IL1RAPL1: variants seen among roughly 807,000 people sequenced by gnomAD.
IL1RAPL1 encodes interleukin 1 receptor accessory protein like 1.
Under a neutral mutation model 48.4 loss-of-function variants are expected in IL1RAPL1, and 3 were observed. The observed-to-expected ratio is 0.06, with a 90% CI of 0.03 to 0.16. The LOEUF (loss-of-function observed/expected upper bound fraction) is 0.16. Ranked by LOEUF, IL1RAPL1 falls within the 10% of genes least tolerant of loss-of-function variation. The pLI, the probability that IL1RAPL1 is intolerant of heterozygous loss-of-function variation, is 1.00. For synonymous variants in IL1RAPL1, 185 were observed against 187.7 expected, an observed-to-expected ratio of 0.99 and a Z score of 0.12; for missense variants, 349 against 530.6, an observed-to-expected ratio of 0.66 and a Z score of 3.36.
At chrX:28,844,037 C>T (rs1424365968) in intron 2 of IL1RAPL1, among the ~76,000 whole-genome samples, 1 of 109,490 alleles carries the variant, frequency 9.1e-6, no homozygotes, top group Admixed American at 9.8e-5. Context: ...GAGCTCATCT[C>T]CTAACACTTC....
chrX:29,161,053 C>T (rs1929674073), intron 2 of IL1RAPL1, among the ~76,000 whole-genome samples: 1 of 105,946 alleles, frequency 9.4e-6, no homozygotes, highest in African/African-American at 3.5e-5. Context: ...AAGCGAGACT[C>T]TGTCTCAAAA....
At chrX:29,279,798 A>G (rs1451666554) in intron 2 of IL1RAPL1, among the ~76,000 whole-genome samples, 1 of 112,298 alleles carries the variant, frequency 8.9e-6, no homozygotes, top group Non-Finnish European at 1.9e-5. Context: ...CTCAGAAAGC[A>G]TATTCTGAAA....
intron 2 of IL1RAPL1, among the ~76,000 whole-genome samples, chrX:28,791,365 T>C (rs1569173588): frequency 8.9e-6 from 1 of 111,985 alleles, no homozygotes; most frequent in Non-Finnish European, 1.9e-5. Context: ...TATTAAGTGA[T>C]TTTAATGTAA....
intron 2 of IL1RAPL1, among the ~76,000 whole-genome samples, chrX:28,917,627 C>T (rs952391632): frequency 8.9e-5 from 10 of 111,925 alleles, no homozygotes; most frequent in Non-Finnish European, 1.5e-4. Context: ...TGAGGCAATA[C>T]CTGTTCTTCC....
rs1933428286 is a variant in IL1RAPL1, at chrX:29,956,672, T to A, written c.*852T>A. On this transcript the variant is annotated 3_prime_UTR_variant, in exon 11 of 11. Coordinates refer to ENST00000378993, the MANE Select transcript of IL1RAPL1 (RefSeq NM_014271.4). ...GTACCCTTATATATATATACATATATATATAAATATAAATATATATAAAAA... is the reference window on the plus strand; with the variant it reads ...GTACCCTTATATATATATACATATAAATATAAATATAAATATATATAAAAA... The A allele has an allele frequency of 3.3e-5, 3 of 90,200 alleles. No individual in the cohort carries two copies. The highest frequency in any genetic ancestry group is 2.8e-4 in the Admixed American group (2 of 7,131). 7.4% of individuals were successfully genotyped at this position (90,200 alleles called of 1,213,427 possible).
chrX:29,176,618 C>T (rs187673232), intron 2 of IL1RAPL1, among the ~76,000 whole-genome samples: 1 of 110,842 alleles, frequency 9.0e-6, no homozygotes, highest in Non-Finnish European at 1.9e-5. Flanking sequence ...TTGTTTCATT[C>T]GATTTTTTTC....
intron 5 of IL1RAPL1, among the ~76,000 whole-genome samples, chrX:29,517,993 T>C (rs1935464879): frequency 8.9e-6 from 1 of 111,907 alleles, no homozygotes; most frequent in Non-Finnish European, 1.9e-5. Context: ...GGAACCGTCA[T>C]TGGTTAAACG....
intron 6 of IL1RAPL1, among the ~76,000 whole-genome samples, chrX:29,672,564 C>T (rs1396602532): frequency 1.8e-5 from 2 of 111,152 alleles, no homozygotes; most frequent in Non-Finnish European, 3.8e-5. Context: ...CAAACCTAAT[C>T]GAATGTCTAT....
At chrX:29,127,753 T>A (rs2147481507) in intron 2 of IL1RAPL1, among the ~76,000 whole-genome samples, 1 of 110,305 alleles carries the variant, frequency 9.1e-6, no homozygotes, top group Non-Finnish European at 1.9e-5. Context: ...AGGTCAGGAG[T>A]TCAAGACCAG....
At chrX:29,714,876 G>T (rs1348924948) in intron 6 of IL1RAPL1, among the ~76,000 whole-genome samples, 1 of 111,481 alleles carries the variant, frequency 9.0e-6, no homozygotes, top group Non-Finnish European at 1.9e-5. Flanking sequence ...GCTCTGCTTT[G>T]ATTCTCAGCC....
intron 5 of IL1RAPL1, among the ~76,000 whole-genome samples, chrX:29,423,814 A>C (rs1422723398): frequency 9.0e-6 from 1 of 111,714 alleles, no homozygotes; most frequent in Middle Eastern, 4.2e-3. Flanking sequence ...CATAGATGAC[A>C]TACTAGTTTA....
At chrX:29,005,508 T>A (rs138968501) in intron 2 of IL1RAPL1, among the ~76,000 whole-genome samples, 1 of 111,647 alleles carries the variant, frequency 9.0e-6, no homozygotes, top group East Asian at 2.8e-4. Flanking sequence ...GAAAAACAAG[T>A]CTTCTGTGTC....
At chrX:29,545,229 A>G (rs1921586896) in intron 5 of IL1RAPL1, among the ~76,000 whole-genome samples, 1 of 105,101 alleles carries the variant, frequency 9.5e-6, no homozygotes, top group Non-Finnish European at 1.9e-5. Flanking sequence ...CTATCTATCT[A>G]TCTATCTATC....
At chrX:29,009,954 T>C (rs751794987) in intron 2 of IL1RAPL1, among the ~76,000 whole-genome samples, 1 of 112,114 alleles carries the variant, frequency 8.9e-6, no homozygotes, top group Admixed American at 9.5e-5. Flanking sequence ...GTAGTTCTCC[T>C]TGTAAAGATA....
At chrX:29,446,409 A>G (rs763626523) in intron 5 of IL1RAPL1, among the ~76,000 whole-genome samples, 1 of 112,028 alleles carries the variant, frequency 8.9e-6, no homozygotes, top group South Asian at 3.7e-4. Flanking sequence ...GGTGTATCAG[A>G]CAATACTTAG....
intron 1 of IL1RAPL1, among the ~76,000 whole-genome samples, chrX:28,653,702 T>C (rs1314829089): frequency 8.9e-6 from 1 of 111,787 alleles, no homozygotes; most frequent in Non-Finnish European, 1.9e-5. Flanking sequence ...CATTAATTAT[T>C]CTACATCTAC....
At chrX:29,751,295 G>T (rs1928455618) in intron 6 of IL1RAPL1, among the ~76,000 whole-genome samples, 1 of 111,409 alleles carries the variant, frequency 9.0e-6, no homozygotes, top group Non-Finnish European at 1.9e-5. Flanking sequence ...TCAGTCTACA[G>T]TGGAGACAGC....
At chrX:28,653,103 T>A (rs1934704566) in intron 1 of IL1RAPL1, among the ~76,000 whole-genome samples, 1 of 112,060 alleles carries the variant, frequency 8.9e-6, no homozygotes. Flanking sequence ...GGAAGCTTGA[T>A]CCAGATATTT....
intron 2 of IL1RAPL1, among the ~76,000 whole-genome samples, chrX:29,186,008 C>T (rs575210267): frequency 1.8e-5 from 2 of 111,777 alleles, no homozygotes; most frequent in African/African-American, 6.5e-5. Context: ...AGTCACCCTA[C>T]TATTAGTTTG....
Sources: gnomAD v4.1 joint callset for allele counts (sites outside exome capture counted in the v4.1 genomes callset) on GRCh38, gnomAD v4.1.1 for gene constraint, MANE v1.5 for transcripts, NCBI Gene and HGNC (gene_info 2026-07-23, HGNC 2026-07-21) for gene names.